Variants in WASF1 observed in about 807,000 individuals in gnomAD.
WASF1 encodes the protein WASP family member 1, also known as actin-binding protein WASF1.
Under a neutral mutation model 50.5 loss-of-function variants are expected in WASF1, and 7 were observed. The observed-to-expected ratio is 0.14, with a 90% CI of 0.08 to 0.26. The LOEUF is 0.26. WASF1 is among the 10% of genes least tolerant of loss of function. WASF1 has a pLI of 1.00. For synonymous variants in WASF1, 205 were observed against 244.0 expected (o/e 0.84, Z 1.49); for missense variants, 470 against 694.7 (o/e 0.68, Z 3.64).
At chr6:110,139,091 A>AG (rs1260421344) in intron 3 of WASF1, among the ~76,000 whole-genome samples, 1 of 152,228 alleles carries the variant, frequency 6.6e-6, no homozygotes, top group Non-Finnish European at 1.5e-5. Flanking sequence ...TCAAGGTGGC[A>AG]GGGGTTGGTG....
chr6:110,169,722 A>G (rs1384842176), intron 2 of WASF1, among the ~76,000 whole-genome samples: 1 of 152,170 alleles, frequency 6.6e-6, no homozygotes, highest in Non-Finnish European at 1.5e-5. Context: ...TTTAGTGACT[A>G]TTGTAAAAAA....
chr6:110,164,830 TGG>T, intron 2 of WASF1, among the ~76,000 whole-genome samples: 1 of 151,618 alleles, frequency 6.6e-6, no homozygotes, highest in South Asian at 2.1e-4. Context: ...AAATAAAGTG[TGG>T]TACACCCAAA....
At chr6:110,113,151 C>T (rs146734808) in intron 5 of WASF1, among the ~76,000 whole-genome samples, 175 bp downstream of exon 5, 71 of 152,054 alleles carry the variant, frequency 4.7e-4, no homozygotes, top group African/African-American at 1.6e-3. Flanking sequence ...AAGAAAAGCC[C>T]GGAGAATCAT....
Position 110,170,210 on chromosome 6 carries a change from A to C in WASF1, c.-127+8388T>G, listed in dbSNP as rs76879592. Among the ~76,000 whole-genome samples, 181 of 152,244 alleles carry C rather than the reference A, an allele frequency of 1.2e-3. 2 individuals are homozygous for C. The East Asian group carries it at 0.026, about 22-fold the overall frequency. On this transcript the variant is annotated intron_variant, in intron 2 of 10. Transcript: ENST00000392589. The stretch of plus-strand genomic sequence containing the variant: ...GCTCAATTAAAGTCAGAGCAGAAAA[A>C]GAGAGGACATTTTTTGGGGGTGGAG...
intron 4 of WASF1, among the ~76,000 whole-genome samples, chr6:110,126,383 T>G (rs1271788367): frequency 2.6e-5 from 4 of 152,202 alleles, no homozygotes; most frequent in African/African-American, 9.6e-5. Context: ...TTTTATTTAT[T>G]CTTACTATTT....
intron 1 of WASF1, 93 bp downstream of exon 1, chr6:110,179,346 C>T (rs979308135): frequency 2.6e-5 from 4 of 152,350 alleles, no homozygotes; most frequent in Non-Finnish European, 5.9e-5. Context: ...TTGCGGGCCA[C>T]ACACCACTCG....
intron 3 of WASF1, among the ~76,000 whole-genome samples, chr6:110,141,128 G>T (rs796292762): frequency 6.6e-6 from 1 of 152,038 alleles, no homozygotes; most frequent in Non-Finnish European, 1.5e-5. Context: ...GAATGAAAGG[G>T]GGACTATTGC....
chr6:110,149,167 A>C (rs1775711368), intron 3 of WASF1, among the ~76,000 whole-genome samples: 1 of 152,204 alleles, frequency 6.6e-6, no homozygotes, highest in Non-Finnish European at 1.5e-5. Context: ...AAATTAATTG[A>C]GAAAGCAAGA....
At chr6:110,167,158 G>GAA (rs11435062) in intron 2 of WASF1, among the ~76,000 whole-genome samples, 16 of 149,696 alleles carry the variant, frequency 1.1e-4, no homozygotes, top group African/African-American at 3.9e-4. Context: ...GGTGATACTG[G>GAA]AAAAAAAAAC....
chr6:110,105,619 G>A (rs370423510), intron 7 of WASF1, 40 bp from the exon 8 acceptor site: 112 of 1,584,938 alleles, frequency 7.1e-5, no homozygotes, highest in African/African-American at 4.6e-4. Flanking sequence ...ATGCTTAAGC[G>A]CTAATTTTTA....
intron 8 of WASF1, among the ~76,000 whole-genome samples, chr6:110,104,650 G>A (rs548815242): frequency 2.3e-4 from 35 of 152,240 alleles, no homozygotes; most frequent in South Asian, 1.7e-3. Context: ...TTAGCTGGGC[G>A]TGGTGGCGTG....
chr6:110,115,267 T>C (rs1207313892), intron 4 of WASF1, among the ~76,000 whole-genome samples: 1 of 150,722 alleles, frequency 6.6e-6, no homozygotes, highest in Non-Finnish European at 1.5e-5. Flanking sequence ...AACACCAGGA[T>C]TTAAGGCAGG....
In WASF1 at chr6:110,108,660, A is replaced by G; in HGVS notation, c.290T>C (p.Met97Thr). ...EEELSLQDITMRKAFRSSTIQ... is the reference protein window; with the variant it reads ...EEELSLQDITTRKAFRSSTIQ... The stretch of plus-strand genomic sequence containing the variant: ...TGTAGAACTTCGGAAAGCTTTCCTC[A>G]TTGTTATATCTTGCAAAGACACTAA... Residue 97 changes from methionine (M) to threonine (T), a missense_variant, in exon 6 of 11, where the codon ATG (methionine) becomes ACG (threonine). Physicochemically the swap from Met to Thr is moderately conservative, Grantham distance 81 (BLOSUM62 -1). Around this residue, in one of 3 missense-constraint regions of WASF1, gnomAD observed 140 missense variants for 260.5 expected, o/e 0.54. Transcript: ENST00000392589. 1.9e-6 allele frequency: 3 copies of G among 1,613,938 alleles called. No individual in the cohort carries two copies. Among genetic ancestry groups the G allele is most frequent in the Non-Finnish European group, 2.5e-6 (3 of 1,179,918 alleles).
chr6:110,169,000 C>T (rs1211208038), intron 2 of WASF1, among the ~76,000 whole-genome samples: 1 of 152,066 alleles, frequency 6.6e-6, no homozygotes, highest in Non-Finnish European at 1.5e-5. Flanking sequence ...GCCTTATCCC[C>T]TGTCCCAACA....
intron 1 of WASF1, among the ~76,000 whole-genome samples, chr6:110,178,961 C>T (rs1777065953): frequency 6.6e-6 from 1 of 152,236 alleles, no homozygotes; most frequent in Non-Finnish European, 1.5e-5. Context: ...CTCGCTTTAC[C>T]GTTATGTTTT....
intron 3 of WASF1, among the ~76,000 whole-genome samples, chr6:110,149,726 T>C (rs1194409984): frequency 2.0e-5 from 3 of 152,112 alleles, no homozygotes; most frequent in Admixed American, 6.6e-5. Context: ...GTATACATAT[T>C]TTAATTTTTT....
chr6:110,151,730 T>C (rs60105161), intron 3 of WASF1, among the ~76,000 whole-genome samples: 1 of 152,130 alleles, frequency 6.6e-6, no homozygotes, highest in South Asian at 2.1e-4. Context: ...TTTTAGCTAC[T>C]TCCTCAACTT....
intron 8 of WASF1, among the ~76,000 whole-genome samples, chr6:110,105,049 C>T (rs1463775145): frequency 1.3e-5 from 2 of 152,112 alleles, no homozygotes; most frequent in African/African-American, 4.8e-5. Flanking sequence ...ATTTTATATG[C>T]AATAAATCAA....
intron 2 of WASF1, among the ~76,000 whole-genome samples, chr6:110,161,746 T>C (rs1417222227): frequency 6.6e-6 from 1 of 151,574 alleles, no homozygotes; most frequent in East Asian, 1.9e-4. Flanking sequence ...ATTCCAGATT[T>C]CTCACTTACT....
Sources: gnomAD v4.1 joint callset for allele counts (sites outside exome capture counted in the v4.1 genomes callset) on GRCh38, gnomAD v4.1.1 for gene constraint, gnomAD v4.1.1 regional missense constraint, MANE v1.5 for transcripts, NCBI Gene and HGNC (gene_info 2026-07-23, HGNC 2026-07-21) for gene names.